NRXN1: variants seen among roughly 807,000 people sequenced by gnomAD.
NRXN1 encodes neurexin 1.
NRXN1 carries 39 observed loss-of-function variants against 150.9 expected under a neutral mutation model. That is an observed-to-expected ratio of 0.26 (90% CI 0.20 to 0.34). The LOEUF (loss-of-function observed/expected upper bound fraction) is 0.34. Ranked by LOEUF, NRXN1 falls within the 10% of genes least tolerant of loss-of-function variation. NRXN1 has a pLI of 1.00. For missense variants in NRXN1, 1,815 were observed against 1,949.9 expected (o/e 0.93, Z 1.30); for synonymous variants, 924 against 757.0 (o/e 1.22, Z -3.62).
At position 51,032,001 on chromosome 2, in the gene NRXN1, G is replaced by C. The variant is rs940435972; in HGVS notation, c.-942C>G. On this transcript the variant is annotated 5_prime_UTR_variant, in exon 1 of 23. Coordinates refer to ENST00000401669, the MANE Select transcript of NRXN1 (RefSeq NM_001330078.2). The stretch of plus-strand genomic sequence containing the variant: ...TTTACCTGCCCGGTTATTCCCCTCA[G>C]CTCGAGCCAGAGCCTGAAGCATGCA... The C allele has an allele frequency of 6.6e-6, 1 of 152,186 alleles. No individual in the cohort carries two copies. Among genetic ancestry groups the C allele is most frequent in the East Asian group, 1.9e-4 (1 of 5,134 alleles). The allele number at this position is 152,186 out of a possible 1,614,324, so 9.4% of individuals were successfully genotyped here.
chr2:50,804,434 G>A (rs547105733), intron 5 of NRXN1, among the ~76,000 whole-genome samples: 8 of 152,294 alleles, frequency 5.3e-5, no homozygotes, highest in African/African-American at 1.4e-4. Flanking sequence ...GGTGAGGGAT[G>A]TAATCGCTAG....
At chr2:50,290,584 C>T (rs147077674) in intron 17 of NRXN1, among the ~76,000 whole-genome samples, 6 of 152,096 alleles carry the variant, frequency 3.9e-5, no homozygotes, top group Non-Finnish European at 7.4e-5. Flanking sequence ...TAGTTTCCTA[C>T]GTTCTCTAGC....
intron 8 of NRXN1, among the ~76,000 whole-genome samples, chr2:50,591,713 G>A (rs1330877875): frequency 2.0e-5 from 3 of 152,182 alleles, no homozygotes; most frequent in Non-Finnish European, 2.9e-5. Flanking sequence ...GTGCTGGGGA[G>A]GAGGGTGACC....
intron 17 of NRXN1, among the ~76,000 whole-genome samples, chr2:50,354,517 A>G (rs1350330402): frequency 6.8e-6 from 1 of 146,872 alleles, no homozygotes; most frequent in African/African-American, 2.5e-5. Flanking sequence ...ATGTGTGTGT[A>G]TCTATATATA....
chr2:50,606,498 GA>G (rs1409683385), intron 8 of NRXN1, among the ~76,000 whole-genome samples: 1 of 151,390 alleles, frequency 6.6e-6, no homozygotes, highest in Non-Finnish European at 1.5e-5. Context: ...TATGCAAGAA[GA>G]ATAAATTCTA....
intron 5 of NRXN1, among the ~76,000 whole-genome samples, chr2:50,834,770 C>A (rs1028142781): frequency 2.6e-5 from 4 of 152,074 alleles, no homozygotes; most frequent in African/African-American, 7.2e-5. Flanking sequence ...AAGCAGGGCC[C>A]AACCCAGGTC....
intron 19 of NRXN1, among the ~76,000 whole-genome samples, chr2:50,074,428 T>A (rs1279144980): frequency 1.3e-5 from 2 of 152,136 alleles, no homozygotes; most frequent in Non-Finnish European, 2.9e-5. Flanking sequence ...GATTCAAATA[T>A]CATGAATAAA....
chr2:50,899,435 C>A (rs1370250512), intron 5 of NRXN1, among the ~76,000 whole-genome samples: 1 of 152,094 alleles, frequency 6.6e-6, no homozygotes, highest in African/African-American at 2.4e-5. Context: ...TTTAGGGACA[C>A]CCTCTGCCAC....
intron 17 of NRXN1, among the ~76,000 whole-genome samples, chr2:50,329,455 C>A (rs141050516): frequency 1.1e-3 from 163 of 150,218 alleles, no homozygotes; most frequent in African/African-American, 3.8e-3. Context: ...AAGAAACATA[C>A]AGAGGAGGAG....
intron 17 of NRXN1, among the ~76,000 whole-genome samples, chr2:50,385,507 T>C (rs2081275268): frequency 6.6e-6 from 1 of 152,188 alleles, no homozygotes; most frequent in African/African-American, 2.4e-5. Context: ...TACCCGGGAA[T>C]GTTGGTGGCA....
Position 50,620,151 on chromosome 2 carries a change from T to C in NRXN1, c.1191A>G (p.Thr397=). The part of the protein sequence containing the change: ...VTISVDGILT[T]TGYTQEDYTM... ...TATAATCTTCTTGCGTGTAGCCCGT[T>C]GTGGTAAGAATCCCATCCACTGATA... Residue 397 remains threonine, a synonymous_variant, in exon 8 of 23, where the codon ACA becomes ACG. Coordinates refer to ENST00000401669, the MANE Select transcript of NRXN1 (RefSeq NM_001330078.2). 3 of 1,613,542 alleles carry C rather than the reference T, an allele frequency of 1.9e-6. No individual in the cohort carries two copies. The highest frequency in any genetic ancestry group is 1.3e-5 in the African/African-American group (1 of 75,026).
chr2:50,708,799 A>G (rs892073510), intron 5 of NRXN1, among the ~76,000 whole-genome samples: 3 of 152,066 alleles, frequency 2.0e-5, no homozygotes, highest in African/African-American at 7.2e-5. Context: ...TTTTCTTGAA[A>G]CTACTCATGT....
At chr2:49,989,780 G>GTTATAATAA (rs1681606017) in intron 21 of NRXN1, among the ~76,000 whole-genome samples, 2 of 152,096 alleles carry the variant, frequency 1.3e-5, no homozygotes, top group South Asian at 2.1e-4. Flanking sequence ...AGTTATGATT[G>GTTATAATAA]GTAGGAAAGT....
intron 21 of NRXN1, among the ~76,000 whole-genome samples, chr2:49,988,154 G>T (rs1681251580): frequency 6.6e-6 from 1 of 151,950 alleles, no homozygotes; most frequent in African/African-American, 2.4e-5. Flanking sequence ...ATTAAAGAGT[G>T]AAACAGTCCT....
At chr2:50,954,503 G>A (rs1691945863) in intron 2 of NRXN1, among the ~76,000 whole-genome samples, 1 of 152,196 alleles carries the variant, frequency 6.6e-6, no homozygotes, top group Admixed American at 6.5e-5. Context: ...GCAGGAATTA[G>A]GGCATAGACA....
intron 17 of NRXN1, among the ~76,000 whole-genome samples, chr2:50,298,375 C>T (rs1459964683): frequency 6.6e-6 from 1 of 152,032 alleles, no homozygotes; most frequent in Non-Finnish European, 1.5e-5. Flanking sequence ...GTTATGATGC[C>T]TCAGTTTGAT....
At chr2:50,962,250 T>G (rs1693317717) in intron 2 of NRXN1, among the ~76,000 whole-genome samples, 2 of 151,716 alleles carry the variant, frequency 1.3e-5, no homozygotes, top group African/African-American at 4.8e-5. Flanking sequence ...AAAAGGCGCC[T>G]CTCCCTTCGG....
chr2:50,743,959 AT>A (rs974482438), intron 5 of NRXN1, among the ~76,000 whole-genome samples: 2 of 152,254 alleles, frequency 1.3e-5, no homozygotes, highest in Admixed American at 1.3e-4. Flanking sequence ...CTAGCCCAAG[AT>A]TGCCCTCAAA....
chr2:50,465,359 G>C, intron 17 of NRXN1, 83 bp downstream of exon 17: 1 of 1,352,446 alleles, frequency 7.4e-7, no homozygotes, highest in Non-Finnish European at 1.0e-6. Flanking sequence ...GTTAATATAA[G>C]GACTTTCAGT....
Sources: gnomAD v4.1 joint callset for allele counts (sites outside exome capture counted in the v4.1 genomes callset) on GRCh38, gnomAD v4.1.1 for gene constraint, MANE v1.5 for transcripts, NCBI Gene and HGNC (gene_info 2026-07-23, HGNC 2026-07-21) for gene names.